AAK1: variants seen among roughly 807,000 people sequenced by gnomAD.
AAK1 encodes the protein AP2-associated protein kinase 1.
AAK1 carries 37 observed loss-of-function variants against 116.0 expected under a neutral mutation model. That is an observed-to-expected ratio of 0.32 (90% confidence interval 0.25 to 0.42). AAK1 has a LOEUF of 0.42. Among genes scored for constraint, AAK1 ranks in the 10% least tolerant of loss-of-function variants. The probability of loss-of-function intolerance (pLI) is 1.00; values close to 1 mark genes in which losing one functional copy is unlikely to be tolerated. For synonymous variants in AAK1, 458 were observed against 439.9 expected (o/e 1.04, Z -0.51); for missense variants, 919 against 1,170.6 (o/e 0.79, Z 3.14).
chr2:69,503,399 C>T (rs1676051709), intron 16 of AAK1, among the ~76,000 whole-genome samples: 1 of 152,214 alleles, frequency 6.6e-6, no homozygotes, highest in Admixed American at 6.5e-5. Flanking sequence ...TTCAAAAGCT[C>T]ACATTCATTG....
rs550609348 is a variant in AAK1, at chr2:69,471,085, C to T, written c.*4784G>A. On this transcript the variant is annotated 3_prime_UTR_variant, in exon 22 of 22. Transcript: ENST00000409085. Reference sequence around the variant, plus strand: ...GTATGCTTTGTCTTCTTGGGAAGGACGCGTTAAAGACCTATGATAAACACA... The same window carrying T: ...GTATGCTTTGTCTTCTTGGGAAGGATGCGTTAAAGACCTATGATAAACACA... The T allele has an allele frequency of 1.5e-4, 146 of 985,688 alleles. No homozygotes were observed. The Middle Eastern group carries it at 2.1e-3, about 14-fold the overall frequency. The allele number at this position is 985,688 out of a possible 1,614,324, so 61.1% of individuals were successfully genotyped here. A position where few individuals can be genotyped will look rare whatever the true frequency, so the allele number is the denominator to read the frequency against.
intron 17 of AAK1, among the ~76,000 whole-genome samples, chr2:69,490,234 C>T (rs1457199570): frequency 6.6e-6 from 1 of 152,106 alleles, no homozygotes; most frequent in African/African-American, 2.4e-5. Context: ...AATGATGCAG[C>T]CTCTATGGAA....
At chr2:69,572,600 C>T (rs76061137) in intron 2 of AAK1, among the ~76,000 whole-genome samples, 906 of 51,640 alleles carry the variant, frequency 0.018, 8 homozygotes, top group African/African-American at 0.063. Context: ...GCCTGGGCAA[C>T]AAAAACGAAA....
At chr2:69,522,232 A>G (rs1669820009) in intron 10 of AAK1, among the ~76,000 whole-genome samples, 1 of 152,226 alleles carries the variant, frequency 6.6e-6, no homozygotes, top group Non-Finnish European at 1.5e-5. Flanking sequence ...AGTTTCAAGA[A>G]TATTTCCAAA....
intron 2 of AAK1, among the ~76,000 whole-genome samples, chr2:69,611,239 T>C (rs1674065581): frequency 6.6e-6 from 1 of 152,188 alleles, no homozygotes; most frequent in Non-Finnish European, 1.5e-5. Flanking sequence ...AGAAGGGGGA[T>C]AAATAGCCTG....
At chr2:69,542,493 A>G in intron 5 of AAK1, 30 bp downstream of exon 5, 1 of 1,612,900 alleles carries the variant, frequency 6.2e-7, no homozygotes, top group Non-Finnish European at 8.5e-7. Context: ...ATTGAGTAGA[A>G]TGCCCGTAAT....
intron 2 of AAK1, among the ~76,000 whole-genome samples, chr2:69,582,874 CTG>C (rs1672605956): frequency 6.6e-6 from 1 of 152,214 alleles, no homozygotes; most frequent in Non-Finnish European, 1.5e-5. Context: ...TCTGAGGACT[CTG>C]TTGCTGGAAG....
At chr2:69,487,030 A>T (rs989032171) in intron 17 of AAK1, among the ~76,000 whole-genome samples, 49 of 152,194 alleles carry the variant, frequency 3.2e-4, no homozygotes, top group African/African-American at 1.1e-3. Flanking sequence ...CAAAGATCTC[A>T]CAGCAAGCAA....
chr2:69,558,650 T>C (rs1671494499), intron 2 of AAK1, among the ~76,000 whole-genome samples: 1 of 152,240 alleles, frequency 6.6e-6, no homozygotes, highest in Non-Finnish European at 1.5e-5. Flanking sequence ...TATGCCATTC[T>C]TGCACAGAGG....
chr2:69,554,232 G>T (rs530537901), intron 3 of AAK1, among the ~76,000 whole-genome samples: 98 of 152,286 alleles, frequency 6.4e-4, no homozygotes, highest in Non-Finnish European at 1.2e-3. Context: ...ATCAGCCGAG[G>T]TTCCTCAGTC....
chr2:69,472,871 T>C lies in AAK1; in HGVS notation c.*2998A>G. On this transcript the variant is annotated 3_prime_UTR_variant, in exon 22 of 22. Transcript: ENST00000409085. Reference sequence around the variant, plus strand: ...TTTCTGTAATACTTAAAAAGGAAAATCTCTAAGATTATGATTTAGGCTTCT... The same window carrying C: ...TTTCTGTAATACTTAAAAAGGAAAACCTCTAAGATTATGATTTAGGCTTCT... 1 of 985,644 alleles carries C rather than the reference T, an allele frequency of 1.0e-6. No individual in the cohort carries two copies. The highest frequency in any genetic ancestry group is 4.7e-5 in the South Asian group (1 of 21,274). The allele number at this position is 985,644 out of a possible 1,614,324, so 61.1% of individuals were successfully genotyped here.
Position 69,643,605 on chromosome 2 carries a change from A to G in AAK1, c.-265T>C. 1 of 1,228,682 alleles carries G rather than the reference A, an allele frequency of 8.1e-7. No individual in the cohort carries two copies. 76.1% of individuals were successfully genotyped at this position (1,228,682 alleles called of 1,614,324 possible). A position where few individuals can be genotyped will look rare whatever the true frequency, so the allele number is the denominator to read the frequency against. On this transcript the variant is annotated 5_prime_UTR_variant, in exon 1 of 22. It removes the in-frame stop codon of an upstream open reading frame in the 5' UTR. Transcript: ENST00000409085. ...ACGGCTCGGCGGCCGGCGCCCTGCT[A>G]CCAGCCCCGCGACATTGTCACGGCC...
rs367964264 is a variant in AAK1, at chr2:69,468,165, C to T, written c.*7704G>A. 5 of 985,234 alleles carry T rather than the reference C, an allele frequency of 5.1e-6. No homozygotes were observed. The East Asian group carries it at 4.5e-4, about 89-fold the overall frequency. The allele number at this position is 985,234 out of a possible 1,614,324, so 61.0% of individuals were successfully genotyped here. On this transcript the variant is annotated 3_prime_UTR_variant, in exon 22 of 22. Coordinates refer to ENST00000409085, the MANE Select transcript of AAK1 (RefSeq NM_014911.5). ...ATTATAATTTTAGTATGTGCAGCTA[C>T]ATGGTGATACGAAAGCATCAGTCAG...
At chr2:69,621,220 G>A (rs1026655293) in intron 2 of AAK1, among the ~76,000 whole-genome samples, 4 of 152,060 alleles carry the variant, frequency 2.6e-5, no homozygotes, top group Non-Finnish European at 4.4e-5. Context: ...GGTGGCTTGC[G>A]CCTGTAATCC....
In AAK1 at chr2:69,545,783, T is replaced by C. The variant is rs149391989; in HGVS notation, c.283-1239A>G. Among the ~76,000 whole-genome samples the C allele has an allele frequency of 1.6e-4, 25 of 152,298 alleles. No individual in the cohort carries two copies. The East Asian group carries it at 4.4e-3, about 27-fold the overall frequency. ...TTTGGAATTGGCAGATGGAAGTCAC[T>C]GGAGACTTACGTGAGAGTAGTTTCA... On this transcript the variant is annotated intron_variant, in intron 3 of 21. Transcript: ENST00000409085.
At chr2:69,581,257 G>A (rs928293988) in intron 2 of AAK1, among the ~76,000 whole-genome samples, 1 of 152,074 alleles carries the variant, frequency 6.6e-6, no homozygotes, top group African/African-American at 2.4e-5. Flanking sequence ...GGGATTACAG[G>A]CACACGCCAC....
chr2:69,470,373 A>G lies in AAK1; in HGVS notation c.*5496T>C. Reference sequence around the variant, plus strand: ...AGAACCAAACTGGGGAAATCAAGAGACGTACATCAAACTAATAATTACCAT... The same window carrying G: ...AGAACCAAACTGGGGAAATCAAGAGGCGTACATCAAACTAATAATTACCAT... On this transcript the variant is annotated 3_prime_UTR_variant, in exon 22 of 22. Transcript: ENST00000409085. The G allele has an allele frequency of 1.0e-6, 1 of 985,452 alleles. No individual in the cohort carries two copies. The highest frequency in any genetic ancestry group is 1.2e-6 in the Non-Finnish European group (1 of 829,940). 61.0% of individuals were successfully genotyped at this position (985,452 alleles called of 1,614,324 possible). A position where few individuals can be genotyped will look rare whatever the true frequency, so the allele number is the denominator to read the frequency against.
At position 69,514,730 on chromosome 2, in the gene AAK1, G is replaced by C. The variant is rs1391872131; in HGVS notation, c.1517C>G (p.Ala506Gly). 6.2e-7 allele frequency: 1 copy of C among 1,601,760 alleles called. No individual in the cohort carries two copies. The highest frequency in any genetic ancestry group is 8.5e-7 in the Non-Finnish European group (1 of 1,172,406). The part of the protein sequence containing the change: ...QTQQFQAVHP[A>G]TQKPAIAQFP... ...CTGAGCAATTGCTGGTTTCTGGGTT[G>C]CTGGATGTACTGCCTGAAACTGAGC... is the stretch of plus-strand genomic sequence containing the variant. Residue 506 changes from alanine to glycine, a missense_variant, in exon 13 of 22, where the codon GCA (alanine) becomes GGA (glycine). Coordinates refer to ENST00000409085, the MANE Select transcript of AAK1 (RefSeq NM_014911.5).
chr2:69,609,327 C>T (rs1356869463), intron 2 of AAK1, among the ~76,000 whole-genome samples: 1 of 152,116 alleles, frequency 6.6e-6, no homozygotes, highest in Non-Finnish European at 1.5e-5. Context: ...TGTGCCACTA[C>T]ACTCCATCCT....
Sources: allele counts gnomAD v4.1 joint callset (sites outside exome capture counted in the v4.1 genomes callset), GRCh38; gene constraint gnomAD v4.1.1; transcripts MANE v1.5; gene names NCBI Gene and HGNC (gene_info 2026-07-23, HGNC 2026-07-21).